Variants in CEP120 observed in about 807,000 individuals in gnomAD.
CEP120 encodes the protein centrosomal protein of 120 kDa.
A neutral mutation model predicts 126.5 loss-of-function variants in CEP120; 113 were observed. The ratio of observed to expected loss-of-function variants is 0.89; its 90% CI spans 0.77 to 1.04. The LOEUF is 1.04. Among genes scored for constraint, CEP120 ranks in the 50% least tolerant of loss-of-function variants. The probability of loss-of-function intolerance (pLI) is 0.00; values close to 1 mark genes in which losing one functional copy is unlikely to be tolerated. For synonymous variants in CEP120, 400 were observed against 394.3 expected (o/e 1.01, Z -0.17); for missense variants, 1,230 against 1,155.7 (o/e 1.06, Z -0.93).
chr5:123,422,602 G>A, intron 1 of CEP120: 1 of 1,467,348 alleles, frequency 6.8e-7, no homozygotes, highest in Non-Finnish European at 9.2e-7. Context: ...GCTCTTACAA[G>A]TGCTATTATT....
chr5:123,409,004 C>T (rs765516821), intron 4 of CEP120, among the ~76,000 whole-genome samples: 1 of 152,010 alleles, frequency 6.6e-6, no homozygotes, highest in African/African-American at 2.4e-5. Flanking sequence ...CCCAGGAGTT[C>T]GAGACCAGTC....
chr5:123,347,734 C>A (rs1308253750), intron 19 of CEP120, among the ~76,000 whole-genome samples: 1 of 152,098 alleles, frequency 6.6e-6, no homozygotes, highest in Non-Finnish European at 1.5e-5. Flanking sequence ...CAGCCTCGAC[C>A]TCCTGGGCTC....
chr5:123,370,257 GC>G (rs2127015725), intron 17 of CEP120, among the ~76,000 whole-genome samples: 1 of 152,062 alleles, frequency 6.6e-6, no homozygotes, highest in Admixed American at 6.6e-5. Context: ...CTATTCCACA[GC>G]CTACTATCAG....
rs115864029 is a variant in CEP120 at position 123,382,934 on chromosome 5, T to C, written c.1861-45A>G. 2.8e-4 allele frequency: 455 copies of C among 1,606,376 alleles called. 2 individuals are homozygous for C. The African/African-American group carries it at 5.5e-3, about 20-fold the overall frequency. On this transcript the variant is annotated intron_variant, in intron 12 of 19. Transcript: ENST00000306467. The stretch of plus-strand genomic sequence containing the variant: ...GTACATTTAAACACTCACACACATA[T>C]GCACATTAGATTCCTTTTAAAAAAA...
chr5:123,399,942 T>C (rs549742569), intron 4 of CEP120, among the ~76,000 whole-genome samples: 1 of 152,288 alleles, frequency 6.6e-6, no homozygotes, highest in South Asian at 2.1e-4. Context: ...GTTTTTCAAA[T>C]TGATTTAAAA....
rs780030615 is a variant in CEP120 at position 123,378,353 on chromosome 5, C to G, written c.2179G>C (p.Ala727Pro). Residue 727 changes from alanine to proline, a missense_variant, in exon 15 of 20, where the codon GCT (alanine) becomes CCT (proline). Physicochemically the swap from Ala to Pro is conservative, Grantham distance 27. Transcript: ENST00000306467. The part of the protein sequence containing the change: ...IDLEKREQQL[A>P]SVESELQREK... ...TGACATACCTCTGATTCCACACTAG[C>G]AAGCTGCTGCTCTCGCTTCTCCAAG... The G allele has an allele frequency of 6.2e-7, 1 of 1,607,002 alleles. No homozygotes were observed. Among genetic ancestry groups the G allele is most frequent in the Non-Finnish European group, 8.5e-7 (1 of 1,177,316 alleles).
chr5:123,412,735 G>A (rs925108661), intron 3 of CEP120, among the ~76,000 whole-genome samples, 195 bp from the exon 4 acceptor site: 3 of 151,876 alleles, frequency 2.0e-5, no homozygotes, highest in Non-Finnish European at 4.4e-5. Context: ...GAAAAACTAC[G>A]TAGAAATTTA....
chr5:123,416,848 T>C (rs111949858), intron 2 of CEP120, among the ~76,000 whole-genome samples: 195 of 152,192 alleles, frequency 1.3e-3, no homozygotes, highest in African/African-American at 4.5e-3. Flanking sequence ...TGCTTATAGC[T>C]CTTTTGTAGC....
chr5:123,391,577 G>C (rs111540081), intron 6 of CEP120, among the ~76,000 whole-genome samples: 17 of 146,642 alleles, frequency 1.2e-4, no homozygotes, highest in African/African-American at 4.0e-4. Flanking sequence ...TTCTTCTTTC[G>C]GTATTACATA....
At chr5:123,416,252 C>T (rs561039441) in intron 2 of CEP120, 128 bp from the exon 3 acceptor site, 138 of 615,592 alleles carry the variant, frequency 2.2e-4, no homozygotes, top group Non-Finnish European at 3.6e-4. Flanking sequence ...TTTACATTGT[C>T]TAAAAAACTC....
intron 4 of CEP120, chr5:123,401,196 G>A (rs1773202505): frequency 1.2e-6 from 2 of 1,612,666 alleles, no homozygotes; most frequent in Non-Finnish European, 1.7e-6. Context: ...GATGTCCAGG[G>A]CCAGCCTGAC....
At position 123,388,511 on chromosome 5, in the gene CEP120, A is replaced by AT. The variant is rs1417715327; in HGVS notation, c.1350dup (p.Ser451IlefsTer42). On this transcript the variant is annotated frameshift_variant, in exon 9 of 20. Coordinates refer to ENST00000306467, the MANE Select transcript of CEP120 (RefSeq NM_001375405.1). LOFTEE classifies it high-confidence loss of function. Reference sequence around the variant, plus strand: ...TCTATTGAAAAGCAAAAATGATGTGATGTTGCTGGTACAGCAATCTTCTGT... The same window carrying AT: ...TCTATTGAAAAGCAAAAATGATGTGATTGTTGCTGGTACAGCAATCTTCTGT... The AT allele has an allele frequency of 6.2e-7, 1 of 1,610,534 alleles. No homozygotes were observed. The highest frequency in any genetic ancestry group is 1.7e-5 in the Admixed American group (1 of 58,996).
intron 18 of CEP120, among the ~76,000 whole-genome samples, chr5:123,361,457 A>G (rs1406383376): frequency 6.6e-6 from 1 of 151,846 alleles, no homozygotes; most frequent in Non-Finnish European, 1.5e-5. Flanking sequence ...TGAATGAATG[A>G]AAGAATGAAG....
intron 15 of CEP120, 25 bp from the exon 16 acceptor site, chr5:123,377,560 G>C (rs745850130): frequency 3.2e-6 from 5 of 1,559,458 alleles, no homozygotes; most frequent in Middle Eastern, 1.7e-4. Context: ...ATCTTTAAGA[G>C]GTTGGTTTAT....
intron 16 of CEP120, among the ~76,000 whole-genome samples, chr5:123,375,088 A>C (rs1771117569): frequency 6.6e-6 from 1 of 152,116 alleles, no homozygotes. Context: ...TAAGGACCCA[A>C]AAAGCTTTTC....
At position 123,399,259 on chromosome 5, in the gene CEP120, G is replaced by A; in HGVS notation, c.489C>T (p.Asp163=). 2 of 1,614,096 alleles carry A rather than the reference G, an allele frequency of 1.2e-6. No individual in the cohort carries two copies. Among genetic ancestry groups the A allele is most frequent in the Non-Finnish European group, 8.5e-7 (1 of 1,179,976 alleles). ...GKVPAILAGL[D]PRDIVAVLNE... The stretch of plus-strand genomic sequence containing the variant: ...TCAGCACAGCCACAATGTCCCTGGG[G>A]TCAAGTCCAGCCAGGATGGCAGGTA... Residue 163 remains aspartate, a synonymous_variant, in exon 5 of 20, where the codon GAC becomes GAT. Transcript: ENST00000306467.
At chr5:123,414,971 C>CAAAAAAAAAAAAAAAAAAA (rs56756568) in intron 3 of CEP120, among the ~76,000 whole-genome samples, 4 of 40,636 alleles carry the variant, frequency 9.8e-5, no homozygotes, top group African/African-American at 4.6e-4. Flanking sequence ...GACTCCATCT[C>CAAAAAAAAAAAAAAAAAAA]AAAAAAAAAA....
intron 14 of CEP120, among the ~76,000 whole-genome samples, chr5:123,378,979 A>G (rs1209005501): frequency 6.6e-6 from 1 of 152,026 alleles, no homozygotes; most frequent in Non-Finnish European, 1.5e-5. Flanking sequence ...TAGCATGAAA[A>G]TTAGGAAAGA....
intron 18 of CEP120, among the ~76,000 whole-genome samples, chr5:123,351,173 C>T (rs1769173827): frequency 6.6e-6 from 1 of 152,158 alleles, no homozygotes. Flanking sequence ...GCCAGAATCC[C>T]AGAAGTCTGT....
Sources: gnomAD v4.1 joint callset for allele counts (sites outside exome capture counted in the v4.1 genomes callset) on GRCh38, gnomAD v4.1.1 for gene constraint, MANE v1.5 for transcripts, NCBI Gene and HGNC (gene_info 2026-07-23, HGNC 2026-07-21) for gene names.